Variants in CACNA1E observed in about 807,000 individuals in gnomAD.
CACNA1E encodes calcium voltage-gated channel subunit alpha1 E.
In CACNA1E, 40 loss-of-function variants were observed where a neutral mutation model predicts 259.2. The ratio of observed to expected loss-of-function variants is 0.15; its 90% CI spans 0.12 to 0.20. The LOEUF is 0.20. Among genes scored for constraint, CACNA1E ranks in the 10% least tolerant of loss-of-function variants. The pLI, the probability that CACNA1E is intolerant of heterozygous loss-of-function variation, is 1.00. For synonymous variants in CACNA1E, 1,104 were observed against 1,138.5 expected, an observed-to-expected ratio of 0.97 and a Z score of 0.61; for missense variants, 1,874 against 3,040.1, an observed-to-expected ratio of 0.62 and a Z score of 9.02.
At chr1:181,741,671 C>T (rs1276997752) in intron 25 of CACNA1E, among the ~76,000 whole-genome samples, 1 of 152,198 alleles carries the variant, frequency 6.6e-6, no homozygotes, top group African/African-American at 2.4e-5. Flanking sequence ...TGTCCACAGT[C>T]CAGACATCTC....
intron 3 of CACNA1E, among the ~76,000 whole-genome samples, chr1:181,546,708 A>G (rs1307264885): frequency 6.6e-6 from 1 of 152,190 alleles, no homozygotes; most frequent in African/African-American, 2.4e-5. Flanking sequence ...AGCCGTGCAG[A>G]CAGTGCACAT....
intron 1 of CACNA1E, among the ~76,000 whole-genome samples, chr1:181,339,924 C>T (rs1652016024): frequency 1.3e-5 from 2 of 151,858 alleles, no homozygotes; most frequent in Non-Finnish European, 2.9e-5. Context: ...TTGTAGTTTG[C>T]CTTTTGAAGG....
rs1016133169 is a variant in CACNA1E, at chr1:181,757,142, C to G, written c.4329+16C>G. ...GAAGAATGAGGTAATGACAATTGGT[C>G]TAAAGTGGGGAGCAGCAGAGGCTCC... On this transcript the variant is annotated intron_variant, in intron 30 of 47. Transcript: ENST00000367573. The G allele has an allele frequency of 2.5e-6, 4 of 1,590,462 alleles. No individual in the cohort carries two copies. The highest frequency in any genetic ancestry group is 3.5e-6 in the Non-Finnish European group (4 of 1,159,312).
chr1:181,388,912 T>C (rs1323605959), intron 1 of CACNA1E, among the ~76,000 whole-genome samples: 9 of 151,920 alleles, frequency 5.9e-5, no homozygotes, highest in Non-Finnish European at 1.3e-4. Flanking sequence ...AAACGTGTTA[T>C]GATCTTATGG....
intron 2 of CACNA1E, among the ~76,000 whole-genome samples, chr1:181,444,589 T>G (rs183517168): frequency 9.2e-5 from 14 of 152,256 alleles, no homozygotes; most frequent in African/African-American, 3.4e-4. Context: ...AAAATGGATT[T>G]GAGATGGGTG....
chr1:181,453,765 T>TTATC (rs1425620121), intron 2 of CACNA1E, among the ~76,000 whole-genome samples: 1 of 152,138 alleles, frequency 6.6e-6, no homozygotes, highest in Non-Finnish European at 1.5e-5. Flanking sequence ...GTGTGGTTGA[T>TTATC]GATAGAGAGC....
chr1:181,768,369 T>C (rs1659207019), intron 35 of CACNA1E, among the ~76,000 whole-genome samples: 1 of 152,180 alleles, frequency 6.6e-6, no homozygotes. Flanking sequence ...GCAAGACATA[T>C]GACTAATGTT....
intron 5 of CACNA1E, 104 bp downstream of exon 5, chr1:181,579,328 G>C: frequency 1.1e-6 from 1 of 910,376 alleles, no homozygotes. Flanking sequence ...GTCCTATTCT[G>C]ACCCTGGAAT....
At chr1:181,482,392 C>T (rs1239655961), upstream of CACNA1E, among the ~76,000 whole-genome samples, 1 of 152,270 alleles carries the variant, frequency 6.6e-6, no homozygotes, top group East Asian at 1.9e-4. Context: ...GGAGACTCCG[C>T]CGCATCGCTG....
intron 18 of CACNA1E, among the ~76,000 whole-genome samples, chr1:181,730,032 G>A (rs1284201324): frequency 6.6e-6 from 1 of 152,154 alleles, no homozygotes; most frequent in African/African-American, 2.4e-5. Context: ...AATGATGTCT[G>A]CATCAGTGGG....
intron 2 of CACNA1E, among the ~76,000 whole-genome samples, chr1:181,414,586 C>A (rs556077391): frequency 6.6e-6 from 1 of 152,262 alleles, no homozygotes; most frequent in African/African-American, 2.4e-5. Flanking sequence ...CTTGGTTGTT[C>A]ATCTCTCAGC....
At chr1:181,673,923 C>A (rs1455005498) in intron 7 of CACNA1E, among the ~76,000 whole-genome samples, 1 of 152,132 alleles carries the variant, frequency 6.6e-6, no homozygotes, top group Non-Finnish European at 1.5e-5. Flanking sequence ...TGCCCTTCAC[C>A]CTGCTCCTCA....
intron 3 of CACNA1E, among the ~76,000 whole-genome samples, chr1:181,531,461 A>G (rs1284214683): frequency 6.6e-6 from 1 of 152,068 alleles, no homozygotes; most frequent in Non-Finnish European, 1.5e-5. Flanking sequence ...CTCTAGGGTG[A>G]CTTGTGTATA....
At chr1:181,790,010 G>A (rs1179150288) in intron 43 of CACNA1E, among the ~76,000 whole-genome samples, 1 of 152,210 alleles carries the variant, frequency 6.6e-6, no homozygotes, top group Admixed American at 6.5e-5. Flanking sequence ...AGGGATGTTG[G>A]CGAAATAAGA....
At position 181,733,525 on chromosome 1, in the gene CACNA1E, C is replaced by G; in HGVS notation, c.3037C>G (p.Leu1013Val). The change falls in exon 21 of 48, where the codon CTG (leucine) becomes GTG (valine). Residue 1013 changes from leucine (L) to valine (V), a missense_variant. By Grantham distance (32) the Leu-to-Val change is conservative (BLOSUM62 1). Transcript: ENST00000367573. ...DTPLVLPHPE[L>V]EVGKHVVLTE... ...CCCCCTAGTCCTGCCCCATCCTGAG[C>G]TGGAAGTGGGGAAGCACGTGGTGCT... 1 of 1,610,986 alleles carries G rather than the reference C, an allele frequency of 6.2e-7. No homozygotes were observed. The highest frequency in any genetic ancestry group is 8.5e-7 in the Non-Finnish European group (1 of 1,178,290).
intron 43 of CACNA1E, among the ~76,000 whole-genome samples, chr1:181,789,449 A>G (rs553741646): frequency 3.3e-5 from 5 of 152,254 alleles, no homozygotes; most frequent in African/African-American, 9.6e-5. Context: ...CATTGGATGC[A>G]GAGTCATCAG....
rs763922481 is a variant in CACNA1E, at chr1:181,731,204, C to T, written c.2270C>T (p.Ser757Leu). ...ERDRRRRHHM[S>L]MWEPRSSHLR... ...GACAGAAGGAGAAGACACCACATGT[C>T]GATGTGGGAGCCACGCAGCAGCCAC... is the stretch of plus-strand genomic sequence containing the variant. The change falls in exon 19 of 48, where the codon TCG becomes TTG. Residue 757 changes from serine to leucine, a missense_variant. Transcript: ENST00000367573. 5.0e-6 allele frequency: 8 copies of T among 1,613,562 alleles called. No homozygotes were observed. The highest frequency in any genetic ancestry group is 4.5e-5 in the East Asian group (2 of 44,886).
intron 7 of CACNA1E, among the ~76,000 whole-genome samples, chr1:181,695,482 G>C (rs1198394401): frequency 6.6e-6 from 1 of 152,156 alleles, no homozygotes; most frequent in Non-Finnish European, 1.5e-5. Flanking sequence ...AAGATCCACT[G>C]TAAAGCTACT....
At chr1:181,702,875 A>G (rs1016974963) in intron 7 of CACNA1E, among the ~76,000 whole-genome samples, 11 of 152,216 alleles carry the variant, frequency 7.2e-5, no homozygotes, top group African/African-American at 2.4e-4. Flanking sequence ...CTGAGGAATT[A>G]TCAGTTTATA....
Sources: gnomAD v4.1 joint callset for allele counts (sites outside exome capture counted in the v4.1 genomes callset) on GRCh38, gnomAD v4.1.1 for gene constraint, MANE v1.5 for transcripts, NCBI Gene and HGNC (gene_info 2026-07-23, HGNC 2026-07-21) for gene names.